The following MAP4 variants were observed in gnomAD, a reference collection of about 807,000 sequenced individuals.
MAP4 encodes the protein microtubule associated protein 4.
In MAP4, 76 loss-of-function variants were observed where a neutral mutation model predicts 170.2. That is an observed-to-expected ratio of 0.45 (90% confidence interval 0.37 to 0.54). The LOEUF is 0.54. Ranked by LOEUF, MAP4 falls within the 20% of genes least tolerant of loss-of-function variation. MAP4 has a pLI of 0.00. For synonymous variants in MAP4, 909 were observed against 994.5 expected (o/e 0.91, Z 1.62); for missense variants, 2,506 against 2,748.0 (o/e 0.91, Z 1.97).
chr3:47,879,751 A>G (rs2096331140), intron 10 of MAP4, among the ~76,000 whole-genome samples: 1 of 152,104 alleles, frequency 6.6e-6, no homozygotes, highest in South Asian at 2.1e-4. Context: ...GTTACAATCA[A>G]TAGGGCTTCT....
At chr3:48,022,378 G>A (rs2100111000) in intron 1 of MAP4, among the ~76,000 whole-genome samples, 1 of 152,136 alleles carries the variant, frequency 6.6e-6, no homozygotes, top group Non-Finnish European at 1.5e-5. Flanking sequence ...TACAGCCTCG[G>A]CAAGGTGGCA....
chr3:47,871,876 T>TC, intron 13 of MAP4, 41 bp downstream of exon 13: 2 of 1,560,670 alleles, frequency 1.3e-6, no homozygotes, highest in Non-Finnish European at 1.7e-6. Context: ...GATCCCATTT[T>TC]CCCCTCCCTA....
At chr3:48,004,770 A>T (rs191898870) in intron 1 of MAP4, among the ~76,000 whole-genome samples, 14 of 152,280 alleles carry the variant, frequency 9.2e-5, no homozygotes, top group African/African-American at 3.4e-4. Flanking sequence ...CACTGAGTTT[A>T]TAAACTCTGG....
intron 1 of MAP4, among the ~76,000 whole-genome samples, chr3:48,082,187 TAGAAA>T (rs2100146962): frequency 6.6e-6 from 1 of 151,984 alleles, no homozygotes; most frequent in African/African-American, 2.4e-5. Flanking sequence ...ATTAGAAAAA[TAGAAA>T]ACCAACAGAA....
At position 47,985,915 on chromosome 3, in the gene MAP4, T is replaced by C. The variant is rs371372233; in HGVS notation, c.224-7982A>G. Among the ~76,000 whole-genome samples the C allele has an allele frequency of 4.6e-5, 7 of 152,360 alleles. No homozygotes were observed. The East Asian group carries it at 1.3e-3, about 29-fold the overall frequency. ...TCATCAGCATTTAACTTCTGATCTC[T>C]ATCATCGTATTCTTGTAATGTGCTA... On this transcript the variant is annotated intron_variant, in intron 2 of 20. Coordinates refer to ENST00000683076, the MANE Select transcript of MAP4 (RefSeq NM_001385682.1).
At chr3:47,904,009 TAAA>T (rs1471014050) in intron 9 of MAP4, among the ~76,000 whole-genome samples, 1 of 152,196 alleles carries the variant, frequency 6.6e-6, no homozygotes, top group African/African-American at 2.4e-5. Context: ...GCCTAGATAC[TAAA>T]AAAAGTCTAT....
intron 1 of MAP4, among the ~76,000 whole-genome samples, chr3:48,061,208 CTCCCT>C (rs2100135044): frequency 6.6e-6 from 1 of 151,254 alleles, no homozygotes; most frequent in African/African-American, 2.4e-5. Context: ...CCCTCTCCCT[CTCCCT>C]CTCTTTCCAC....
At chr3:48,025,351 C>T (rs566513096) in intron 1 of MAP4, among the ~76,000 whole-genome samples, 7 of 147,416 alleles carry the variant, frequency 4.7e-5, no homozygotes, top group South Asian at 2.1e-4. Context: ...TGCAATGGTG[C>T]GATCTCGGCT....
chr3:47,949,844 C>T (rs73831544), intron 3 of MAP4, among the ~76,000 whole-genome samples: 3,067 of 152,004 alleles, frequency 0.02, 101 homozygotes, highest in African/African-American at 0.069. Flanking sequence ...TCATGTGATG[C>T]GTGGGACACC....
intron 3 of MAP4, among the ~76,000 whole-genome samples, chr3:47,932,134 T>G (rs989849102): frequency 6.6e-6 from 1 of 152,226 alleles, no homozygotes; most frequent in Non-Finnish European, 1.5e-5. Context: ...TTTTTGTTCC[T>G]AAGGATTTGC....
chr3:47,885,644 T>C (rs1224759863), intron 10 of MAP4, among the ~76,000 whole-genome samples: 1 of 152,162 alleles, frequency 6.6e-6, no homozygotes, highest in African/African-American at 2.4e-5. Flanking sequence ...GTACTTTTAG[T>C]CAAAAACTGA....
chr3:48,049,809 G>A (rs567394829), intron 1 of MAP4, among the ~76,000 whole-genome samples: 16 of 150,328 alleles, frequency 1.1e-4, no homozygotes, highest in South Asian at 4.2e-4. Context: ...ATGGTGGCGC[G>A]TGCCTGTAGT....
chr3:48,034,127 C>G (rs1231165298), intron 1 of MAP4, among the ~76,000 whole-genome samples: 1 of 152,130 alleles, frequency 6.6e-6, no homozygotes, highest in Non-Finnish European at 1.5e-5. Flanking sequence ...TTCTATTTCA[C>G]AGAAAACTCA....
chr3:48,064,709 T>C (rs1406446094), intron 1 of MAP4, among the ~76,000 whole-genome samples: 1 of 152,140 alleles, frequency 6.6e-6, no homozygotes, highest in Non-Finnish European at 1.5e-5. Context: ...TGTGCAACTG[T>C]CATAGAGTGT....
chr3:48,007,618 T>C (rs1252139300), intron 1 of MAP4, among the ~76,000 whole-genome samples: 1 of 151,764 alleles, frequency 6.6e-6, no homozygotes, highest in African/African-American at 2.4e-5. Flanking sequence ...TGAATCGCAA[T>C]GGAGACTTCT....
intron 1 of MAP4, among the ~76,000 whole-genome samples, chr3:48,004,873 A>G (rs2100101340): frequency 6.6e-6 from 1 of 151,718 alleles, no homozygotes; most frequent in Non-Finnish European, 1.5e-5. Flanking sequence ...ATCTTTGTCT[A>G]CGGACATAAA....
chr3:47,974,366 A>G, intron 3 of MAP4: 1 of 633,720 alleles, frequency 1.6e-6, no homozygotes, highest in Non-Finnish European at 2.0e-6. Context: ...CAGAGGGTGC[A>G]GTAAGCCAAG....
intron 3 of MAP4, among the ~76,000 whole-genome samples, chr3:47,970,680 G>A (rs576850128): frequency 2.6e-5 from 4 of 151,928 alleles, no homozygotes; most frequent in South Asian, 2.1e-4. Context: ...GCATGGTGGC[G>A]GGCACCTGTA....
intron 12 of MAP4, among the ~76,000 whole-genome samples, chr3:47,873,286 C>T (rs1168625437): frequency 1.3e-5 from 2 of 152,142 alleles, no homozygotes; most frequent in African/African-American, 2.4e-5. Flanking sequence ...CTGAGAATGA[C>T]GTCTCTAGTG....
Sources: gnomAD v4.1 joint callset for allele counts (sites outside exome capture counted in the v4.1 genomes callset) on GRCh38, gnomAD v4.1.1 for gene constraint, MANE v1.5 for transcripts, NCBI Gene and HGNC (gene_info 2026-07-23, HGNC 2026-07-21) for gene names.